Variants in BCAR1 observed in about 807,000 individuals in gnomAD.
BCAR1 encodes BCAR1 scaffold protein, Cas family member.
BCAR1 carries 30 observed loss-of-function variants against 67.6 expected under a neutral mutation model. That is an observed-to-expected ratio of 0.44 (90% CI 0.33 to 0.60). The LOEUF (loss-of-function observed/expected upper bound fraction) is 0.60. Among genes scored for constraint, BCAR1 ranks in the 20% least tolerant of loss-of-function variants. The pLI is 0.02. For missense variants in BCAR1, 1,313 were observed against 1,222.3 expected, an observed-to-expected ratio of 1.07 and a Z score of -1.11; for synonymous variants, 626 against 556.7, an observed-to-expected ratio of 1.12 and a Z score of -1.75.
Position 75,243,103 on chromosome 16 carries a change from G to T in BCAR1, c.13-13C>A. The T allele has an allele frequency of 6.4e-7, 1 of 1,570,490 alleles. No homozygotes were observed. Among genetic ancestry groups the T allele is most frequent in the Non-Finnish European group, 8.7e-7 (1 of 1,154,304 alleles). ...TGGCCAGCACGTTCTGGGGAGAGAG[G>T]ACACAGGTGTGAGAACAGAAGGATG... On this transcript the variant is annotated splice_polypyrimidine_tract_variant and intron_variant, in intron 1 of 6. Transcript: ENST00000162330.
At chr16:75,266,852 G>T (rs2078016837) in intron 1 of BCAR1, 2 of 1,210,062 alleles carry the variant, frequency 1.7e-6, no homozygotes, top group Admixed American at 3.3e-5. Context: ...GAGGAAAGAC[G>T]GAGCCAGCTC....
At position 75,228,842 on chromosome 16, in the gene BCAR1, G is replaced by C. The variant is rs1349229775; in HGVS notation, c.*669C>G. 1.3e-5 allele frequency: 2 copies of C among 152,374 alleles called. No homozygotes were observed. The highest frequency in any genetic ancestry group is 4.8e-5 in the African/African-American group (2 of 41,460). The allele number at this position is 152,374 out of a possible 1,614,324, so 9.4% of individuals were successfully genotyped here. On this transcript the variant is annotated 3_prime_UTR_variant, in exon 7 of 7. Coordinates refer to ENST00000162330, the MANE Select transcript of BCAR1 (RefSeq NM_014567.5). ...GCTCTGCCCTGGCTCCCAGGGCCTT[G>C]TGGCCAGCTGCAGGCCTCACCCCGC...
chr16:75,253,198 G>A (rs1250018904), upstream of BCAR1, among the ~76,000 whole-genome samples: 1 of 152,126 alleles, frequency 6.6e-6, no homozygotes, highest in African/African-American at 2.4e-5. Context: ...GCTGTGCCGG[G>A]CCCCTCCTGC....
At chr16:75,263,609 C>T in intron 1 of BCAR1, 1 of 985,420 alleles carries the variant, frequency 1.0e-6, no homozygotes, top group Non-Finnish European at 1.2e-6. Flanking sequence ...GGGGTCGCTA[C>T]CCGCACAACC....
chr16:75,267,726 G>GTT (rs985244228), intron 1 of BCAR1, among the ~76,000 whole-genome samples: 12 of 152,256 alleles, frequency 7.9e-5, no homozygotes, highest in Admixed American at 7.8e-4. Flanking sequence ...GGGGCGGGCG[G>GTT]TGGAGAAAGA....
At chr16:75,251,790 GC>G (rs1453726173), upstream of BCAR1, 2 of 414,958 alleles carry the variant, frequency 4.8e-6, no homozygotes, top group African/African-American at 4.0e-5. Context: ...CCCCCGCCCC[GC>G]CCCCCACCTC....
intron 1 of BCAR1, among the ~76,000 whole-genome samples, chr16:75,261,696 C>A (rs1402360631): frequency 3.9e-5 from 6 of 152,220 alleles, no homozygotes; most frequent in Non-Finnish European, 5.9e-5. Flanking sequence ...GTCCTGCAGG[C>A]CATGCCCGGG....
At chr16:75,234,512 C>T (rs1223039386) in intron 5 of BCAR1, among the ~76,000 whole-genome samples, 1 of 152,208 alleles carries the variant, frequency 6.6e-6, no homozygotes, top group Non-Finnish European at 1.5e-5. Flanking sequence ...GGACTCCCAC[C>T]CGGCTAGCAC....
chr16:75,251,362 C>T, intron 1 of BCAR1, 109 bp downstream of exon 1: 2 of 1,398,042 alleles, frequency 1.4e-6, no homozygotes, highest in Admixed American at 2.6e-5. Context: ...CCCCGGCCGG[C>T]GGTTCCCAGG....
intron 6 of BCAR1, among the ~76,000 whole-genome samples, chr16:75,233,030 A>G (rs1221404419): frequency 1.3e-5 from 2 of 152,084 alleles, no homozygotes; most frequent in Non-Finnish European, 2.9e-5. Context: ...CTGATTCAAA[A>G]TATGAGGAAA....
At chr16:75,238,035 G>A in intron 2 of BCAR1, 1 of 1,288,478 alleles carries the variant, frequency 7.8e-7, no homozygotes, top group South Asian at 1.2e-5. Flanking sequence ...GAAAGGATGA[G>A]GCCTAGTGGG....
intron 1 of BCAR1, chr16:75,250,692 G>A: frequency 2.0e-6 from 2 of 985,478 alleles, no homozygotes; most frequent in Non-Finnish European, 2.4e-6. Context: ...TCAGCCTCTC[G>A]GACCCTCGAG....
At chr16:75,264,356 C>A in intron 1 of BCAR1, 2 of 1,524,518 alleles carry the variant, frequency 1.3e-6, no homozygotes, top group East Asian at 2.5e-5. Flanking sequence ...GATACCGGCC[C>A]TCCAGCAGGC....
intron 2 of BCAR1, chr16:75,238,652 G>A: frequency 2.0e-6 from 2 of 986,138 alleles, no homozygotes; most frequent in Non-Finnish European, 2.4e-6. Flanking sequence ...TGGTAGCAGA[G>A]TCCCGGCTGG....
At chr16:75,243,679 C>T (rs1385901278) in intron 1 of BCAR1, among the ~76,000 whole-genome samples, 2 of 152,218 alleles carry the variant, frequency 1.3e-5, no homozygotes, top group East Asian at 1.9e-4. Flanking sequence ...CTGGCCCCGT[C>T]GCCCTCAGCA....
chr16:75,252,396 G>A, upstream of BCAR1: 1 of 1,478,440 alleles, frequency 6.8e-7, no homozygotes, highest in South Asian at 1.3e-5. Context: ...TAGGAGAGCG[G>A]CACTGGGGGA....
At chr16:75,236,472 A>G in intron 4 of BCAR1, 1 of 323,034 alleles carries the variant, frequency 3.1e-6, no homozygotes, top group East Asian at 6.5e-5. Flanking sequence ...TGAACTTTCT[A>G]CTCTGCAGCA....
chr16:75,264,401 C>T, intron 1 of BCAR1: 2 of 1,532,758 alleles, frequency 1.3e-6, no homozygotes, highest in Non-Finnish European at 8.7e-7. Flanking sequence ...GCCCAGTGCC[C>T]ACAGGAGCAG....
chr16:75,242,810 T>A lies in BCAR1; in HGVS notation c.293A>T (p.Gln98Leu). 1 of 1,603,950 alleles carries A rather than the reference T, an allele frequency of 6.2e-7. No individual in the cohort carries two copies. The highest frequency in any genetic ancestry group is 8.5e-7 in the Non-Finnish European group (1 of 1,175,792). The change falls in exon 2 of 7, where the codon CAG becomes CTG. Residue 98 changes from glutamine to leucine, a missense_variant. Physicochemically the swap from Gln to Leu is moderately radical, Grantham distance 113 (BLOSUM62 -2). Transcript: ENST00000162330. The part of the protein sequence containing the change: ...GLHAPAPPAS[Q>L]YTPMLPNTYQ... ...GGTGTTGGGGAGCATGGGCGTGTAC[T>A]GGGAGGCCGGAGGCGCTGGGGCATG...
Sources: gnomAD v4.1 joint callset for allele counts (sites outside exome capture counted in the v4.1 genomes callset) on GRCh38, gnomAD v4.1.1 for gene constraint, MANE v1.5 for transcripts, NCBI Gene and HGNC (gene_info 2026-07-23, HGNC 2026-07-21) for gene names.